Variants in RAI14 observed in about 807,000 individuals in gnomAD.
RAI14 encodes retinoic acid induced 14.
RAI14 carries 45 observed loss-of-function variants against 115.4 expected under a neutral mutation model. The observed-to-expected ratio is 0.39, with a 90% CI of 0.31 to 0.50. The LOEUF is 0.50. RAI14 is among the 20% of genes least tolerant of loss of function. The pLI is 0.85. For missense variants in RAI14, 939 were observed against 1,131.2 expected, an observed-to-expected ratio of 0.83 and a Z score of 2.44; for synonymous variants, 371 against 415.4, an observed-to-expected ratio of 0.89 and a Z score of 1.30.
chr5:34,720,401 A>ATTTTTTTT (rs35380327), intron 2 of RAI14, among the ~76,000 whole-genome samples: 1 of 80,230 alleles, frequency 1.2e-5, no homozygotes, highest in Non-Finnish European at 2.3e-5. Context: ...CCTGTCTCAG[A>ATTTTTTTT]TTTTTTTTTT....
intron 4 of RAI14, among the ~76,000 whole-genome samples, chr5:34,801,711 G>A (rs1041728555): frequency 5.3e-5 from 8 of 151,520 alleles, no homozygotes; most frequent in African/African-American, 1.2e-4. Flanking sequence ...ACTGCACTCC[G>A]GCCTGAATGA....
At chr5:34,774,593 A>G (rs1448636498) in intron 3 of RAI14, among the ~76,000 whole-genome samples, 1 of 152,176 alleles carries the variant, frequency 6.6e-6, no homozygotes, top group African/African-American at 2.4e-5. Context: ...ACTATAAAAC[A>G]TTGATTAAAG....
At chr5:34,760,055 T>G (rs886189889) in intron 3 of RAI14, among the ~76,000 whole-genome samples, 1 of 152,216 alleles carries the variant, frequency 6.6e-6, no homozygotes, top group African/African-American at 2.4e-5. Flanking sequence ...CAGGCCGGAG[T>G]GCAGTAGCGT....
intron 3 of RAI14, among the ~76,000 whole-genome samples, chr5:34,765,207 T>G (rs951534654): frequency 1.3e-5 from 2 of 152,124 alleles, no homozygotes; most frequent in Non-Finnish European, 2.9e-5. Flanking sequence ...ACATAGTAAA[T>G]TGGTACCAGT....
intron 2 of RAI14, among the ~76,000 whole-genome samples, chr5:34,751,497 G>A (rs1044203734): frequency 2.0e-5 from 3 of 152,208 alleles, no homozygotes; most frequent in African/African-American, 7.2e-5. Context: ...CATGTTTCCT[G>A]TTTCTATCTT....
At chr5:34,661,910 C>G (rs1055368471) in intron 1 of RAI14, among the ~76,000 whole-genome samples, 16 of 152,160 alleles carry the variant, frequency 1.1e-4, no homozygotes, top group Admixed American at 2.0e-4. Context: ...CTCAGCTTCT[C>G]AAATAGTTGT....
intron 2 of RAI14, among the ~76,000 whole-genome samples, chr5:34,734,047 G>A (rs542449465): frequency 1.8e-4 from 27 of 152,310 alleles, no homozygotes; most frequent in South Asian, 1.2e-3. Context: ...AGCTACCACC[G>A]TGCCACGCTT....
chr5:34,683,037 A>G (rs545586577), intron 1 of RAI14, among the ~76,000 whole-genome samples: 3 of 152,326 alleles, frequency 2.0e-5, no homozygotes, highest in African/African-American at 7.2e-5. Flanking sequence ...CCGTTTACTC[A>G]TGATTCATCT....
At chr5:34,712,622 T>C (rs1414684890) in intron 2 of RAI14, among the ~76,000 whole-genome samples, 2 of 152,246 alleles carry the variant, frequency 1.3e-5, no homozygotes, top group African/African-American at 2.4e-5. Context: ...AAATGCCTTA[T>C]GTATGTTATT....
At chr5:34,700,063 G>A (rs919632006) in intron 2 of RAI14, among the ~76,000 whole-genome samples, 2 of 152,174 alleles carry the variant, frequency 1.3e-5, no homozygotes, top group African/African-American at 4.8e-5. Context: ...GTGGGGCCTG[G>A]AGAAGAGGCC....
At chr5:34,661,377 A>G (rs1339269905) in intron 1 of RAI14, among the ~76,000 whole-genome samples, 1 of 152,142 alleles carries the variant, frequency 6.6e-6, no homozygotes, top group Non-Finnish European at 1.5e-5. Flanking sequence ...GTCTAGAACA[A>G]TGTTGACCCC....
intron 2 of RAI14, among the ~76,000 whole-genome samples, chr5:34,746,993 T>A (rs957418830): frequency 6.6e-6 from 1 of 152,202 alleles, no homozygotes; most frequent in East Asian, 1.9e-4. Flanking sequence ...CCCACTGCCA[T>A]GTAAGAAGTG....
At chr5:34,703,284 T>C (rs1740307728) in intron 2 of RAI14, among the ~76,000 whole-genome samples, 1 of 152,192 alleles carries the variant, frequency 6.6e-6, no homozygotes, top group South Asian at 2.1e-4. Flanking sequence ...TTAGAAATAC[T>C]AGGGAAATAA....
Position 34,755,357 on chromosome 5 carries a change from C to T in RAI14, c.37-2111C>T, listed in dbSNP as rs563588407. Among the ~76,000 whole-genome samples, 267 of 152,280 alleles carry T rather than the reference C, an allele frequency of 1.8e-3. 2 individuals carry two copies. Among genetic ancestry groups the T allele is most frequent in the African/African-American group, 6.1e-3 (255 of 41,548 alleles). ...TGATGTTGGTCCAGACACATTCTTACTTTGTTAAACCTATGAGGAGAGTCA... is the reference window on the plus strand; with the variant it reads ...TGATGTTGGTCCAGACACATTCTTATTTTGTTAAACCTATGAGGAGAGTCA... On this transcript the variant is annotated intron_variant, in intron 2 of 17. Transcript: ENST00000265109.
At chr5:34,674,572 G>A (rs187078306) in intron 1 of RAI14, among the ~76,000 whole-genome samples, 111 of 150,108 alleles carry the variant, frequency 7.4e-4, no homozygotes, top group Non-Finnish European at 4.0e-4. Flanking sequence ...TTTGCTTTTT[G>A]AATCGGATCT....
intron 2 of RAI14, among the ~76,000 whole-genome samples, chr5:34,690,082 A>G (rs906153595): frequency 3.3e-5 from 5 of 152,150 alleles, no homozygotes; most frequent in Admixed American, 1.3e-4. Flanking sequence ...AGAGCTGGGG[A>G]AGAGAGGCTT....
At chr5:34,682,696 A>T (rs541031013) in intron 1 of RAI14, among the ~76,000 whole-genome samples, 4 of 152,232 alleles carry the variant, frequency 2.6e-5, no homozygotes, top group Admixed American at 1.3e-4. Flanking sequence ...TAAATGGGTA[A>T]TAAACTGACT....
intron 15 of RAI14, 37 bp from the exon 16 acceptor site, chr5:34,826,293 G>A (rs769225880): frequency 5.7e-6 from 9 of 1,589,998 alleles, no homozygotes; most frequent in Non-Finnish European, 7.7e-6. Flanking sequence ...TTGTAGACAT[G>A]TTACTGTCTG....
intron 3 of RAI14, among the ~76,000 whole-genome samples, chr5:34,781,528 G>C (rs193226235): frequency 2.0e-5 from 3 of 152,078 alleles, no homozygotes; most frequent in Admixed American, 1.3e-4. Context: ...AGATCTAAAC[G>C]TTTTACATCT....
Sources: allele counts gnomAD v4.1 joint callset (sites outside exome capture counted in the v4.1 genomes callset), GRCh38; gene constraint gnomAD v4.1.1; transcripts MANE v1.5; gene names NCBI Gene and HGNC (gene_info 2026-07-23, HGNC 2026-07-21).